Variants in MARCHF3 observed in about 807,000 individuals in gnomAD.
MARCHF3 encodes the protein E3 ubiquitin-protein ligase MARCHF3.
MARCHF3 carries 13 observed loss-of-function variants against 24.2 expected under a neutral mutation model. The observed-to-expected ratio is 0.54, with a 90% confidence interval of 0.35 to 0.85. The LOEUF (loss-of-function observed/expected upper bound fraction) is 0.85, where lower values mean the gene tolerates loss of function less well. MARCHF3 is among the 40% of genes least tolerant of loss of function. MARCHF3 has a pLI of 0.01. For missense variants in MARCHF3, 276 were observed against 325.0 expected (o/e 0.85, Z 1.16); for synonymous variants, 144 against 137.3 (o/e 1.05, Z -0.34).
chr5:126,931,173 G>A (rs1264462478), intron 1 of MARCHF3, among the ~76,000 whole-genome samples: 3 of 152,130 alleles, frequency 2.0e-5, no homozygotes, highest in African/African-American at 7.2e-5. Flanking sequence ...AAGAAGGAGG[G>A]GAATGGGTTA....
At chr5:126,938,578 A>T (rs1009167298) in intron 1 of MARCHF3, among the ~76,000 whole-genome samples, 1 of 152,102 alleles carries the variant, frequency 6.6e-6, no homozygotes, top group African/African-American at 2.4e-5. Flanking sequence ...TTACAAAAAA[A>T]CCCTTAGAGC....
intron 1 of MARCHF3, among the ~76,000 whole-genome samples, chr5:126,955,386 C>A (rs1210672954): frequency 6.6e-6 from 1 of 152,212 alleles, no homozygotes; most frequent in Non-Finnish European, 1.5e-5. Flanking sequence ...TTATGGACCA[C>A]ATTTCAAATT....
At chr5:126,979,873 G>GGGAGGT (rs1751333515) in intron 1 of MARCHF3, among the ~76,000 whole-genome samples, 1 of 150,840 alleles carries the variant, frequency 6.6e-6, no homozygotes, top group South Asian at 2.1e-4. Flanking sequence ...GCTTGAACCC[G>GGGAGGT]GGAGGTGGAG....
At chr5:126,879,712 G>C (rs1753284475) in intron 3 of MARCHF3, among the ~76,000 whole-genome samples, 1 of 152,162 alleles carries the variant, frequency 6.6e-6, no homozygotes. Flanking sequence ...CTTCAGATTA[G>C]CATTGAAACA....
At chr5:126,893,597 G>A (rs1753770239) in intron 3 of MARCHF3, among the ~76,000 whole-genome samples, 1 of 151,018 alleles carries the variant, frequency 6.6e-6, no homozygotes, top group Non-Finnish European at 1.5e-5. Flanking sequence ...TAGTTGAGCG[G>A]TTTTGAGTGA....
chr5:126,979,948 CAAAAAAAA>C (rs757849978), intron 1 of MARCHF3, among the ~76,000 whole-genome samples: 1 of 44,906 alleles, frequency 2.2e-5, no homozygotes, highest in Admixed American at 2.3e-4. Context: ...AACTCCATCT[CAAAAAAAA>C]AAAAAAAAAA....
chr5:126,995,280 G>A (rs969813580), intron 1 of MARCHF3, among the ~76,000 whole-genome samples: 3 of 152,194 alleles, frequency 2.0e-5, no homozygotes, highest in African/African-American at 7.2e-5. Flanking sequence ...TAAATCAATT[G>A]AGCCAATGTA....
intron 1 of MARCHF3, among the ~76,000 whole-genome samples, chr5:126,963,611 G>A (rs529628494): frequency 2.6e-5 from 4 of 152,244 alleles, no homozygotes; most frequent in African/African-American, 7.2e-5. Flanking sequence ...TTGGATCTAA[G>A]ATACTAAGCA....
intron 1 of MARCHF3, among the ~76,000 whole-genome samples, chr5:126,982,930 A>G (rs1193644973): frequency 6.6e-6 from 1 of 152,224 alleles, no homozygotes; most frequent in African/African-American, 2.4e-5. Context: ...AAAAGGCAAA[A>G]TAGCTGAGCT....
intron 3 of MARCHF3, chr5:126,899,406 C>T (rs1754029649): frequency 1.5e-6 from 1 of 669,146 alleles, no homozygotes; most frequent in Non-Finnish European, 1.8e-6. Flanking sequence ...AAATTTGTCT[C>T]ACAAGTGTGT....
intron 1 of MARCHF3, among the ~76,000 whole-genome samples, chr5:126,936,753 C>A (rs1418509590): frequency 6.6e-6 from 1 of 152,136 alleles, no homozygotes; most frequent in Non-Finnish European, 1.5e-5. Context: ...TAAACACAAG[C>A]CAAACTAGAG....
At chr5:126,908,965 G>A (rs1002708807) in intron 3 of MARCHF3, among the ~76,000 whole-genome samples, 3 of 152,110 alleles carry the variant, frequency 2.0e-5, no homozygotes, top group Non-Finnish European at 2.9e-5. Context: ...TCTACTTTTG[G>A]TCTTTGATGA....
intron 3 of MARCHF3, among the ~76,000 whole-genome samples, chr5:126,893,445 C>G (rs1753764814): frequency 6.6e-6 from 1 of 151,792 alleles, no homozygotes; most frequent in Non-Finnish European, 1.5e-5. Flanking sequence ...AAATTTCCCT[C>G]TACACACTGC....
chr5:126,914,709 A>G, intron 3 of MARCHF3: 1 of 587,522 alleles, frequency 1.7e-6, no homozygotes, highest in Non-Finnish European at 3.0e-6. Context: ...GCTGGATCCC[A>G]AGTGAGCTAG....
At chr5:126,887,791 T>C (rs1298577145) in intron 3 of MARCHF3, among the ~76,000 whole-genome samples, 1 of 152,174 alleles carries the variant, frequency 6.6e-6, no homozygotes, top group East Asian at 1.9e-4. Context: ...AGGTTCCTTC[T>C]CATCAGCTGT....
At chr5:126,926,526 T>C (rs1396701570) in intron 1 of MARCHF3, among the ~76,000 whole-genome samples, 1 of 152,228 alleles carries the variant, frequency 6.6e-6, no homozygotes, top group African/African-American at 2.4e-5. Context: ...CTCTCTATCA[T>C]ATGCTACATA....
chr5:127,026,290 G>A (rs1047736069), intron 1 of MARCHF3, among the ~76,000 whole-genome samples: 14 of 151,888 alleles, frequency 9.2e-5, no homozygotes, highest in Non-Finnish European at 1.6e-4. Context: ...TCACACAGAA[G>A]CTAGGCAAAT....
At chr5:127,017,065 G>A (rs1752658379) in intron 1 of MARCHF3, among the ~76,000 whole-genome samples, 1 of 152,152 alleles carries the variant, frequency 6.6e-6, no homozygotes, top group Admixed American at 6.5e-5. Flanking sequence ...ATTGAACAAT[G>A]AGAACACTTG....
rs186735424 is a variant in MARCHF3, at chr5:127,023,433, T to A, written c.-57+6917A>T. On this transcript the variant is annotated intron_variant, in intron 1 of 4. Coordinates refer to ENST00000308660, the MANE Select transcript of MARCHF3 (RefSeq NM_178450.5). ...AAAAAATTGCTGGAATTATTTTTTT[T>A]AAAAAGTTTCCCTCAGGCTGGGCAT... 4.9e-4 allele frequency among the ~76,000 whole-genome samples: 74 copies of A among 151,900 alleles called. 1 individual carries two copies. The East Asian group carries it at 8.3e-3, about 17-fold the overall frequency.
Sources: gnomAD v4.1 joint callset for allele counts (sites outside exome capture counted in the v4.1 genomes callset) on GRCh38, gnomAD v4.1.1 for gene constraint, MANE v1.5 for transcripts, NCBI Gene and HGNC (gene_info 2026-07-23, HGNC 2026-07-21) for gene names.